KNSTRN: variants seen among roughly 807,000 people sequenced by gnomAD.
KNSTRN encodes small kinetochore-associated protein.
In KNSTRN, 38 loss-of-function variants were observed where a neutral mutation model predicts 44.7. That is an observed-to-expected ratio of 0.85 (90% confidence interval 0.66 to 1.11). The LOEUF is 1.11. Ranked by LOEUF, KNSTRN falls within the 50% of genes most tolerant of loss-of-function variation. The probability of loss-of-function intolerance (pLI) is 0.00; values close to 1 mark genes in which losing one functional copy is unlikely to be tolerated. For missense variants in KNSTRN, 406 were observed against 375.8 expected, an observed-to-expected ratio of 1.08 and a Z score of -0.66; for synonymous variants, 158 against 148.1, an observed-to-expected ratio of 1.07 and a Z score of -0.48.
chr15:40,392,920 T>A (rs1276482068), intron 8 of KNSTRN, among the ~76,000 whole-genome samples: 1 of 151,962 alleles, frequency 6.6e-6, no homozygotes, highest in African/African-American at 2.4e-5. Context: ...AGGAAAAAAA[T>A]TTTTTAAAAA....
Position 40,382,861 on chromosome 15 carries a change from T to A in KNSTRN, c.26T>A (p.Leu9Gln). Reference protein sequence around the residue: MAAPEAPPLDRVFRTTWLS... With the variant: MAAPEAPPQDRVFRTTWLS... ...ATGGCGGCTCCCGAAGCCCCGCCCC[T>A]GGACAGAGTTTTCCGTACAACATGG... Residue 9 changes from leucine to glutamine, a missense_variant, in exon 1 of 9, where the codon CTG (leucine) becomes CAG (glutamine). Leu to Gln is a moderately radical substitution (Grantham distance 113). Transcript: ENST00000249776. The A allele has an allele frequency of 1.9e-6, 3 of 1,611,480 alleles. No individual in the cohort carries two copies. The highest frequency in any genetic ancestry group is 2.5e-6 in the Non-Finnish European group (3 of 1,179,698).
intron 4 of KNSTRN, among the ~76,000 whole-genome samples, chr15:40,388,162 A>G (rs1052956369): frequency 6.6e-6 from 1 of 152,198 alleles, no homozygotes; most frequent in African/African-American, 2.4e-5. Flanking sequence ...AGAAATATAG[A>G]GGTGTGAAGT....
At chr15:40,388,678 G>C (rs1309908063) in intron 4 of KNSTRN, among the ~76,000 whole-genome samples, 1 of 149,692 alleles carries the variant, frequency 6.7e-6, no homozygotes, top group Non-Finnish European at 1.5e-5. Flanking sequence ...CTGGGCGACG[G>C]AGCGAGACTC....
Position 40,391,541 on chromosome 15 carries a change from A to G in KNSTRN, c.734A>G (p.His245Arg). 1 of 1,613,914 alleles carries G rather than the reference A, an allele frequency of 6.2e-7. No individual in the cohort carries two copies. The highest frequency in any genetic ancestry group is 8.5e-7 in the Non-Finnish European group (1 of 1,179,792). The change falls in exon 7 of 9, where the codon CAC becomes CGC. Residue 245 changes from histidine to arginine, a missense_variant. His to Arg is a conservative substitution (Grantham distance 29). Transcript: ENST00000249776. ...TCACGACAAGAATCCACTACTGATCACATGGACTCTATGGTGAGGGCATGG... is the reference window on the plus strand; with the variant it reads ...TCACGACAAGAATCCACTACTGATCGCATGGACTCTATGGTGAGGGCATGG... ...LASRQESTTD[H>R]MDSMLLLETL...
Position 40,382,856 on chromosome 15 carries a change from GC to G in KNSTRN, c.25del (p.Leu9TrpfsTer35), listed in dbSNP as rs757903264. 5.6e-5 allele frequency: 89 copies of G among 1,603,566 alleles called. No homozygotes were observed. The highest frequency in any genetic ancestry group is 6.7e-5 in the African/African-American group (5 of 74,792). On this transcript the variant is annotated frameshift_variant, in exon 1 of 9. Transcript: ENST00000249776. LOFTEE classifies it high-confidence loss of function. MAAPEAPPLDRVFRTTWL... is the reference protein window; with the variant it reads MAAPEAPXLDRVFRTTWL... ...ACAGTATGGCGGCTCCCGAAGCCCCGCCCCTGGACAGAGTTTTCCGTACAAC... is the reference window on the plus strand; with the variant it reads ...ACAGTATGGCGGCTCCCGAAGCCCCGCCCTGGACAGAGTTTTCCGTACAAC...
chr15:40,394,134 G>T lies in KNSTRN; in HGVS notation c.*537G>T, dbSNP rs530219538. 6.6e-6 allele frequency: 1 copy of T among 151,418 alleles called. No homozygotes were observed. The highest frequency in any genetic ancestry group is 1.9e-4 in the East Asian group (1 of 5,194). The allele number at this position is 151,418 out of a possible 1,614,324, so 9.4% of individuals were successfully genotyped here. On this transcript the variant is annotated 3_prime_UTR_variant, in exon 9 of 9. Transcript: ENST00000249776. ...AAGTGTTTTGGGCTTAATAAATGGGGTGAAAGTATAGGTAGCAGTAACACC... is the reference window on the plus strand; with the variant it reads ...AAGTGTTTTGGGCTTAATAAATGGGTTGAAAGTATAGGTAGCAGTAACACC...
intron 2 of KNSTRN, 127 bp downstream of exon 2, chr15:40,383,449 C>A (rs942259110): frequency 2.0e-5 from 13 of 666,418 alleles, no homozygotes; most frequent in African/African-American, 3.6e-5. Context: ...CTGTGAGCCC[C>A]CTATAACCAG....
At chr15:40,392,951 T>A (rs552097170) in intron 8 of KNSTRN, among the ~76,000 whole-genome samples, 2 of 152,204 alleles carry the variant, frequency 1.3e-5, no homozygotes, top group South Asian at 4.1e-4. Context: ...ATCAGTACAT[T>A]ACTATTAACT....
Position 40,391,931 on chromosome 15 carries a change from A to G in KNSTRN, c.748-18A>G, listed in dbSNP as rs141295240. ...TTTTATATGAAGATTTGTTTACTACATTGTGCTTTCCTCTTAGTTGCTGTT... is the reference window on the plus strand; with the variant it reads ...TTTTATATGAAGATTTGTTTACTACGTTGTGCTTTCCTCTTAGTTGCTGTT... On this transcript the variant is annotated intron_variant, in intron 7 of 8. Transcript: ENST00000249776. 2.2e-5 allele frequency: 35 copies of G among 1,600,552 alleles called. 1 individual carries two copies. The East Asian group carries it at 7.0e-4, about 32-fold the overall frequency.
rs959832551 is a variant in KNSTRN, at chr15:40,389,899, G to A, written c.655G>A (p.Ala219Thr). The A allele has an allele frequency of 1.2e-6, 2 of 1,614,150 alleles. No homozygotes were observed. Among genetic ancestry groups the A allele is most frequent in the African/African-American group, 2.7e-5 (2 of 75,048 alleles). ...LLEKFRDNCL[A>T]ILESKGLDPA... ...GGAGAAGTTTCGGGACAACTGTTTG[G>A]CAATTTTGGAGAGCAAGGGCCTTGA... Residue 219 changes from alanine to threonine, a missense_variant, in exon 6 of 9, where the codon GCA (alanine) becomes ACA (threonine). Coordinates refer to ENST00000249776, the MANE Select transcript of KNSTRN (RefSeq NM_033286.4).
chr15:40,383,341 C>T lies in KNSTRN; in HGVS notation c.304+19C>T. The T allele has an allele frequency of 6.3e-7, 1 of 1,589,810 alleles. No homozygotes were observed. On this transcript the variant is annotated intron_variant, in intron 2 of 8. Coordinates refer to ENST00000249776, the MANE Select transcript of KNSTRN (RefSeq NM_033286.4). ...CCGGCAGGTGAGGGTCCAAGCCACG[C>T]CCGGGGCACTGCGGCCTGGCCGGGG...
At chr15:40,392,671 C>A (rs1292038784) in intron 8 of KNSTRN, among the ~76,000 whole-genome samples, 1 of 152,176 alleles carries the variant, frequency 6.6e-6, no homozygotes, top group Non-Finnish European at 1.5e-5. Context: ...AGTGCAATGG[C>A]GTGATCTCGG....
At position 40,394,186 on chromosome 15, in the gene KNSTRN, T is replaced by G. The variant is rs1034443860; in HGVS notation, c.*589T>G. Reference sequence around the variant, plus strand: ...ACATGAAACAATACACCTTGGATCTTTTAATCTAAATTACTTTTCTTTTTT... The same window carrying G: ...ACATGAAACAATACACCTTGGATCTGTTAATCTAAATTACTTTTCTTTTTT... On this transcript the variant is annotated 3_prime_UTR_variant, in exon 9 of 9. Transcript: ENST00000249776. The G allele has an allele frequency of 1.3e-5, 2 of 152,228 alleles. No homozygotes were observed. Among genetic ancestry groups the G allele is most frequent in the African/African-American group, 4.8e-5 (2 of 41,456 alleles). The allele number at this position is 152,228 out of a possible 1,614,324, so 9.4% of individuals were successfully genotyped here.
intron 4 of KNSTRN, among the ~76,000 whole-genome samples, chr15:40,388,788 T>C (rs189869885): frequency 2.8e-4 from 43 of 152,302 alleles, no homozygotes; most frequent in Admixed American, 2.5e-3. Flanking sequence ...CCTTCCAGCA[T>C]GGGCATTAGG....
intron 3 of KNSTRN, 179 bp downstream of exon 3, chr15:40,386,673 T>C (rs1889908072): frequency 3.2e-6 from 2 of 618,576 alleles, no homozygotes; most frequent in Middle Eastern, 4.4e-4. Context: ...TTGATCTTTC[T>C]GAAGAGACAC....
chr15:40,387,019 T>C, intron 3 of KNSTRN, 140 bp from the exon 4 acceptor site: 1 of 702,584 alleles, frequency 1.4e-6, no homozygotes, highest in East Asian at 2.7e-5. Context: ...GCATAGTCTC[T>C]CAGAGCTCTT....
Position 40,393,121 on chromosome 15 carries a change from T to G in KNSTRN, c.823-348T>G, listed in dbSNP as rs1890029922. On this transcript the variant is annotated intron_variant, in intron 8 of 8. Transcript: ENST00000249776. ...GGAATTGAGAACTATATGTAATCCATTCTATGGAAACTTGATAACTCAAGG... is the reference window on the plus strand; with the variant it reads ...GGAATTGAGAACTATATGTAATCCAGTCTATGGAAACTTGATAACTCAAGG... The G allele has an allele frequency of 2.0e-6, 3 of 1,512,950 alleles. No individual in the cohort carries two copies. The Admixed American group carries it at 5.0e-5, about 25-fold the overall frequency. 93.7% of individuals were successfully genotyped at this position (1,512,950 alleles called of 1,614,324 possible).
chr15:40,383,252 G>T lies in KNSTRN; in HGVS notation c.234G>T (p.Thr78=). 1 of 1,614,112 alleles carries T rather than the reference G, an allele frequency of 6.2e-7. No individual in the cohort carries two copies. The highest frequency in any genetic ancestry group is 8.5e-7 in the Non-Finnish European group (1 of 1,179,976). The stretch of plus-strand genomic sequence containing the variant: ...GGGTTCAGCCGTGCCGCCTCGTTAC[G>T]ATGACCAGTGTGGTTAAGACAGTGT... ...APGVQPCRLV[T]MTSVVKTVYS... Residue 78 remains threonine (T), a synonymous_variant, in exon 2 of 9, where the codon ACG becomes ACT. Transcript: ENST00000249776.
At chr15:40,391,344 G>A in intron 6 of KNSTRN, 149 bp from the exon 7 acceptor site, 1 of 595,410 alleles carries the variant, frequency 1.7e-6, no homozygotes, top group South Asian at 2.1e-5. Flanking sequence ...ACCCTGCCAA[G>A]GTGAAAACTT....
Sources: allele counts gnomAD v4.1 joint callset (sites outside exome capture counted in the v4.1 genomes callset), GRCh38; gene constraint gnomAD v4.1.1; transcripts MANE v1.5; gene names NCBI Gene and HGNC (gene_info 2026-07-23, HGNC 2026-07-21).